Variants in PABPC4L observed in about 807,000 individuals in gnomAD.
PABPC4L encodes the protein polyadenylate-binding protein 4-like.
For missense variants in PABPC4L, 452 were observed against 451.4 expected, an observed-to-expected ratio of 1.00 and a Z score of -0.01; for synonymous variants, 169 against 164.1, an observed-to-expected ratio of 1.03 and a Z score of -0.23.
downstream of PABPC4L, among the ~76,000 whole-genome samples, chr4:134,192,005 T>C (rs1387911948): frequency 3.3e-5 from 5 of 152,084 alleles, no homozygotes; most frequent in African/African-American, 4.8e-5. Context: ...AATGAGAAAC[T>C]GTCTTTGTCT....
chr4:133,954,386 A>AT, the PABPC4L span, among the ~76,000 whole-genome samples: 1 of 152,172 alleles, frequency 6.6e-6, no homozygotes, highest in African/African-American at 2.4e-5. Flanking sequence ...GAGTTTTATC[A>AT]TTTACATAGA....
chr4:134,094,150 T>C, the PABPC4L span, among the ~76,000 whole-genome samples: 1 of 151,982 alleles, frequency 6.6e-6, no homozygotes, highest in African/African-American at 2.4e-5. Context: ...AATTATAAAA[T>C]AACAAACCTT....
At chr4:134,101,850 G>A in the PABPC4L span, among the ~76,000 whole-genome samples, 1 of 151,428 alleles carries the variant, frequency 6.6e-6, no homozygotes, top group Non-Finnish European at 1.5e-5. Context: ...TAAAAATAGT[G>A]TATCCCTTCA....
the PABPC4L span, among the ~76,000 whole-genome samples, chr4:134,061,402 T>G: frequency 6.6e-6 from 1 of 151,868 alleles, no homozygotes; most frequent in African/African-American, 2.4e-5. Flanking sequence ...CACTCCAAGA[T>G]ATATCATACA....
the PABPC4L span, among the ~76,000 whole-genome samples, chr4:133,983,082 A>G: frequency 6.6e-6 from 1 of 151,944 alleles, no homozygotes; most frequent in Non-Finnish European, 1.5e-5. Context: ...TCACAAGTGT[A>G]TTTGTCCAGA....
the PABPC4L span, among the ~76,000 whole-genome samples, chr4:134,133,152 T>C: frequency 1.0e-4 from 5 of 47,724 alleles, no homozygotes; most frequent in Admixed American, 6.2e-4. Flanking sequence ...ATATATTATA[T>C]AATATATCAT....
chr4:133,991,770 C>T, the PABPC4L span, among the ~76,000 whole-genome samples: 4 of 152,082 alleles, frequency 2.6e-5, no homozygotes, highest in African/African-American at 9.7e-5. Flanking sequence ...GGTAGGAATG[C>T]CTCAGATTGT....
chr4:134,179,782 G>T, the PABPC4L span, among the ~76,000 whole-genome samples: 5 of 150,940 alleles, frequency 3.3e-5, no homozygotes, highest in African/African-American at 1.2e-4. Context: ...ATCAAAAAAG[G>T]CAAAAAAAAA....
the PABPC4L span, among the ~76,000 whole-genome samples, chr4:134,008,259 A>G: frequency 6.6e-6 from 1 of 151,870 alleles, no homozygotes; most frequent in East Asian, 1.9e-4. Context: ...TTTGTTGGCC[A>G]ATCAATTATT....
At chr4:134,080,621 TA>T in the PABPC4L span, among the ~76,000 whole-genome samples, 1 of 152,198 alleles carries the variant, frequency 6.6e-6, no homozygotes, top group African/African-American at 2.4e-5. Context: ...AGGAGTCACC[TA>T]ATCTCTTTGG....
chr4:134,078,923 C>T, the PABPC4L span, among the ~76,000 whole-genome samples: 3 of 150,116 alleles, frequency 2.0e-5, no homozygotes, highest in Admixed American at 1.3e-4. Context: ...CTGCTTCAGC[C>T]TCTCAAAGTA....
At chr4:134,127,674 C>T in the PABPC4L span, among the ~76,000 whole-genome samples, 4 of 152,010 alleles carry the variant, frequency 2.6e-5, no homozygotes, top group Admixed American at 2.6e-4. Flanking sequence ...CCGGATCTTC[C>T]CTCTGACATA....
the PABPC4L span, among the ~76,000 whole-genome samples, chr4:134,011,073 T>C: frequency 2.8e-3 from 430 of 152,250 alleles, 4 homozygotes; most frequent in African/African-American, 9.7e-3. Context: ...CTCTGAATAA[T>C]TTTTAAACTT....
At chr4:134,039,900 C>T in the PABPC4L span, among the ~76,000 whole-genome samples, 401 of 152,080 alleles carry the variant, frequency 2.6e-3, 6 homozygotes, top group Admixed American at 0.013. Flanking sequence ...CCAAAAATTA[C>T]GAGCATTCCT....
At chr4:134,059,577 A>T in the PABPC4L span, among the ~76,000 whole-genome samples, 1 of 151,430 alleles carries the variant, frequency 6.6e-6, no homozygotes, top group Non-Finnish European at 1.5e-5. Context: ...AATAGAACAT[A>T]TGGCACTGAT....
the PABPC4L span, among the ~76,000 whole-genome samples, chr4:133,953,978 C>T: frequency 6.6e-6 from 1 of 152,236 alleles, no homozygotes; most frequent in East Asian, 1.9e-4. Flanking sequence ...GTTAAAGGCA[C>T]ACTCACAAAT....
At chr4:134,125,679 G>A in the PABPC4L span, among the ~76,000 whole-genome samples, 1 of 152,130 alleles carries the variant, frequency 6.6e-6, no homozygotes, top group African/African-American at 2.4e-5. Context: ...ATTTTAAAAT[G>A]TGAATATGTA....
At chr4:133,962,370 C>G in the PABPC4L span, among the ~76,000 whole-genome samples, 44,906 of 152,054 alleles carry the variant, frequency 0.3, 10,009 homozygotes, top group African/African-American at 0.59. Flanking sequence ...CCAATGCAAG[C>G]AAATCCAAAA....
At chr4:133,993,613 A>C in the PABPC4L span, among the ~76,000 whole-genome samples, 1 of 152,198 alleles carries the variant, frequency 6.6e-6, no homozygotes, top group Non-Finnish European at 1.5e-5. Context: ...CTGTTGAAGG[A>C]GGGGACATAC....
Sources: gnomAD v4.1 joint callset for allele counts (sites outside exome capture counted in the v4.1 genomes callset) on GRCh38, gnomAD v4.1.1 for gene constraint, MANE v1.5 for transcripts, NCBI Gene and HGNC (gene_info 2026-07-23, HGNC 2026-07-21) for gene names.